The following TMED3 variants were observed in gnomAD, a reference collection of about 807,000 sequenced individuals.
TMED3 encodes transmembrane p24 trafficking protein 3.
In TMED3, 9 loss-of-function variants were observed where a neutral mutation model predicts 15.0. That is an observed-to-expected ratio of 0.60 (90% CI 0.36 to 1.04). TMED3 has a LOEUF of 1.04. Among genes scored for constraint, TMED3 ranks in the 50% least tolerant of loss-of-function variants. TMED3 has a pLI of 0.01. For missense variants in TMED3, 267 were observed against 278.9 expected (o/e 0.96, Z 0.30); for synonymous variants, 117 against 121.4 (o/e 0.96, Z 0.24).
chr15:79,313,623 G>A, intron 1 of TMED3, 134 bp from the exon 2 acceptor site: 2 of 1,194,648 alleles, frequency 1.7e-6, no homozygotes, highest in South Asian at 1.6e-5. Flanking sequence ...ATGAGAAGTG[G>A]CGTAGCACCT....
intron 2 of TMED3, among the ~76,000 whole-genome samples, chr15:79,318,842 G>A (rs529275871): frequency 6.6e-6 from 1 of 152,200 alleles, no homozygotes; most frequent in Non-Finnish European, 1.5e-5. Context: ...TTTCTTTTCT[G>A]GTGGTTGGCC....
chr15:79,382,664 C>A (rs118090360), intron 2 of TMED3, among the ~76,000 whole-genome samples: 1,827 of 152,268 alleles, frequency 0.012, 82 homozygotes, highest in East Asian at 0.11. Flanking sequence ...ACTACCTCTA[C>A]CCTCTAAACT....
At chr15:79,320,473 C>T (rs1192486734) in intron 2 of TMED3, among the ~76,000 whole-genome samples, 3 of 152,128 alleles carry the variant, frequency 2.0e-5, no homozygotes, top group African/African-American at 4.8e-5. Flanking sequence ...CTTGCCTCGG[C>T]ACCTGGGTGG....
At position 79,346,786 on chromosome 15, in the gene TMED3, A is replaced by G. The variant is rs146608757; in HGVS notation, c.417+32781A>G. Among the ~76,000 whole-genome samples, 728 of 152,210 alleles carry G rather than the reference A, an allele frequency of 4.8e-3. 5 individuals are homozygous for G. The highest frequency in any genetic ancestry group is 6.7e-3 in the Admixed American group (103 of 15,282). On this transcript the variant is annotated intron_variant, in intron 2 of 2. Transcript: ENST00000424155. ...TTATTGAATGGGGAATCCTTTCCTC[A>G]TTGCTTGTTTTTATCAGGTTTGTAG...
chr15:79,401,537 C>T (rs1410414131), intron 2 of TMED3, among the ~76,000 whole-genome samples: 2 of 152,068 alleles, frequency 1.3e-5, no homozygotes, highest in East Asian at 3.9e-4. Flanking sequence ...GGGTAGAGGG[C>T]AGGGATGTTG....
Position 79,313,742 on chromosome 15 carries a change from T to C in TMED3, c.169-15T>C. 6.2e-7 allele frequency: 1 copy of C among 1,605,816 alleles called. No homozygotes were observed. Reference sequence around the variant, plus strand: ...GTTGCTCCTTTGATAACAGCAATTTTTTTATGGTTGTCAGGTCATCACTGG... The same window carrying C: ...GTTGCTCCTTTGATAACAGCAATTTCTTTATGGTTGTCAGGTCATCACTGG... On this transcript the variant is annotated splice_polypyrimidine_tract_variant and intron_variant, in intron 1 of 2. Transcript: ENST00000299705.
intron 2 of TMED3, among the ~76,000 whole-genome samples, chr15:79,341,916 C>T (rs1463066956): frequency 6.6e-6 from 1 of 152,202 alleles, no homozygotes; most frequent in Non-Finnish European, 1.5e-5. Context: ...AGGCACAGGA[C>T]AGCCCTCCAC....
chr15:79,344,595 A>G (rs1033226538), intron 2 of TMED3, among the ~76,000 whole-genome samples: 1 of 152,112 alleles, frequency 6.6e-6, no homozygotes, highest in Non-Finnish European at 1.5e-5. Flanking sequence ...CTAATGCAGG[A>G]TGACATTATT....
At chr15:79,335,924 ACAGCT>A (rs2058825404) in intron 2 of TMED3, among the ~76,000 whole-genome samples, 1 of 152,200 alleles carries the variant, frequency 6.6e-6, no homozygotes. Flanking sequence ...ATCTCTCACA[ACAGCT>A]CAGCAGCATA....
At chr15:79,371,589 G>T (rs1270026224) in intron 2 of TMED3, among the ~76,000 whole-genome samples, 1 of 152,188 alleles carries the variant, frequency 6.6e-6, no homozygotes, top group East Asian at 1.9e-4. Context: ...GTGGGCAGGG[G>T]GTTAGGGAAC....
At position 79,319,894 on chromosome 15, in the gene TMED3, G is replaced by A. The variant is rs112407484; in HGVS notation, c.418-2084G>A. On this transcript the variant is annotated intron_variant, in intron 2 of 2. Coordinates refer to ENST00000299705, the MANE Select transcript of TMED3 (RefSeq NM_007364.4). ...TTTGCTACTGCTATCTAAAAGCCCA[G>A]GTACACAGGATGGAACATGAAAGAA... Among the ~76,000 whole-genome samples the A allele has an allele frequency of 2.3e-4, 35 of 152,296 alleles. 1 individual carries two copies. Among genetic ancestry groups the A allele is most frequent in the African/African-American group, 7.9e-4 (33 of 41,556 alleles).
intron 2 of TMED3, among the ~76,000 whole-genome samples, chr15:79,406,137 C>T (rs548249612): frequency 1.3e-5 from 2 of 152,260 alleles, no homozygotes; most frequent in African/African-American, 4.8e-5. Context: ...GTGATGAGGA[C>T]CATCACACTT....
chr15:79,401,427 C>G (rs1893832330), intron 2 of TMED3, among the ~76,000 whole-genome samples: 1 of 152,110 alleles, frequency 6.6e-6, no homozygotes, highest in African/African-American at 2.4e-5. Context: ...TTTCCTAGAC[C>G]AGTGATTCTC....
intron 2 of TMED3, among the ~76,000 whole-genome samples, chr15:79,408,066 T>TATAAAATGGGA (rs1893925352): frequency 6.6e-6 from 1 of 152,228 alleles, no homozygotes; most frequent in Admixed American, 6.5e-5. Flanking sequence ...TAAAACCACC[T>TATAAAATGGGA]GGCAAACTGT....
chr15:79,393,288 C>CAA (rs1893720313), intron 2 of TMED3, among the ~76,000 whole-genome samples: 1 of 152,140 alleles, frequency 6.6e-6, no homozygotes, highest in African/African-American at 2.4e-5. Flanking sequence ...GATAGGCTTG[C>CAA]AGGAACTAGA....
At chr15:79,411,459 C>T (rs980949736) in exon 3 of TMED3, 37 of 702,336 alleles carry the variant, frequency 5.3e-5, no homozygotes, top group African/African-American at 2.4e-4. Context: ...TGCAGCCAGG[C>T]GGAACACCTG....
At chr15:79,346,597 G>A (rs1190652738) in intron 2 of TMED3, among the ~76,000 whole-genome samples, 1 of 152,154 alleles carries the variant, frequency 6.6e-6, no homozygotes, top group East Asian at 1.9e-4. Context: ...CCAGTCTTGA[G>A]TACATCCTTA....
intron 2 of TMED3, among the ~76,000 whole-genome samples, chr15:79,370,633 A>T (rs1426786040): frequency 6.6e-6 from 1 of 152,132 alleles, no homozygotes; most frequent in African/African-American, 2.4e-5. Context: ...TCAGTGTCAC[A>T]TGTCTGTGTC....
chr15:79,375,780 C>T (rs1195205877), intron 2 of TMED3, among the ~76,000 whole-genome samples: 2 of 152,164 alleles, frequency 1.3e-5, no homozygotes, highest in East Asian at 3.9e-4. Flanking sequence ...ACCTCCACTC[C>T]ACCACTGGGG....
Sources: allele counts gnomAD v4.1 joint callset (sites outside exome capture counted in the v4.1 genomes callset), GRCh38; gene constraint gnomAD v4.1.1; transcripts MANE v1.5; gene names NCBI Gene and HGNC (gene_info 2026-07-23, HGNC 2026-07-21).